Variants in ACTR3C observed in about 807,000 individuals in gnomAD.
ACTR3C encodes actin-related protein 3C.
In ACTR3C, 18 loss-of-function variants were observed where a neutral mutation model predicts 26.3. The observed-to-expected ratio is 0.68, with a 90% CI of 0.47 to 1.01. The LOEUF is 1.01. ACTR3C is among the 50% of genes least tolerant of loss of function. The probability of loss-of-function intolerance (pLI) is 0.00; values close to 1 mark genes in which losing one functional copy is unlikely to be tolerated. For synonymous variants in ACTR3C, 55 were observed against 94.5 expected, an observed-to-expected ratio of 0.58 and a Z score of 2.42; for missense variants, 184 against 250.7, an observed-to-expected ratio of 0.73 and a Z score of 1.80.
chr7:150,011,163 A>G, the ACTR3C span, among the ~76,000 whole-genome samples: 1 of 152,236 alleles, frequency 6.6e-6, no homozygotes, highest in African/African-American at 2.4e-5. Context: ...GACCTGTCTC[A>G]GGTCCATTGG....
intron 4 of ACTR3C, among the ~76,000 whole-genome samples, chr7:150,289,107 C>A (rs898641733): frequency 1.3e-5 from 2 of 151,872 alleles, no homozygotes; most frequent in African/African-American, 2.4e-5. Flanking sequence ...CTGTGGTCGC[C>A]TCCTGATTCT....
At chr7:149,926,609 T>C in the ACTR3C span, among the ~76,000 whole-genome samples, 1 of 152,134 alleles carries the variant, frequency 6.6e-6, no homozygotes, top group African/African-American at 2.4e-5. Flanking sequence ...AGGAATTAAC[T>C]GCATCCTGCA....
At chr7:150,158,865 C>A in the ACTR3C span, among the ~76,000 whole-genome samples, 2 of 81,740 alleles carry the variant, frequency 2.4e-5, no homozygotes, top group Non-Finnish European at 5.3e-5. Context: ...CAGGCATGCC[C>A]ACACACACAC....
chr7:150,172,963 C>T, the ACTR3C span, among the ~76,000 whole-genome samples: 1 of 149,128 alleles, frequency 6.7e-6, no homozygotes, highest in South Asian at 2.1e-4. Context: ...GGCAGCTCCA[C>T]TCCTGTCGCT....
the ACTR3C span, among the ~76,000 whole-genome samples, chr7:149,888,352 T>C: frequency 6.6e-6 from 1 of 152,244 alleles, no homozygotes; most frequent in African/African-American, 2.4e-5. Flanking sequence ...TTACAAGAGA[T>C]TGCCAAATTT....
At chr7:150,035,248 G>A in the ACTR3C span, among the ~76,000 whole-genome samples, 1 of 99,826 alleles carries the variant, frequency 1.0e-5, no homozygotes, top group African/African-American at 3.9e-5. Flanking sequence ...GAGCCAGTGG[G>A]GGAACCAGGG....
chr7:150,288,282 G>A (rs560324167), intron 4 of ACTR3C, among the ~76,000 whole-genome samples: 2 of 150,476 alleles, frequency 1.3e-5, no homozygotes, highest in South Asian at 4.3e-4. Flanking sequence ...AGAGTTGAAG[G>A]CCCAGCATGA....
At chr7:149,955,569 G>A in the ACTR3C span, among the ~76,000 whole-genome samples, 4 of 152,120 alleles carry the variant, frequency 2.6e-5, no homozygotes, top group Admixed American at 2.6e-4. Context: ...AGAGTCGTAA[G>A]GTGCATACGG....
chr7:150,295,036 G>T (rs946718913), intron 2 of ACTR3C, among the ~76,000 whole-genome samples: 9 of 152,098 alleles, frequency 5.9e-5, no homozygotes, highest in African/African-American at 2.2e-4. Context: ...TGTAAAAAGA[G>T]CCAGACGACG....
At chr7:150,013,424 G>A in the ACTR3C span, among the ~76,000 whole-genome samples, 1 of 152,218 alleles carries the variant, frequency 6.6e-6, no homozygotes, top group Non-Finnish European at 1.5e-5. Flanking sequence ...TAAGGCAGCT[G>A]TTCTCCCATT....
the ACTR3C span, among the ~76,000 whole-genome samples, chr7:150,087,243 A>C: frequency 6.6e-6 from 1 of 151,890 alleles, no homozygotes; most frequent in Non-Finnish European, 1.5e-5. Flanking sequence ...CACTGGACTA[A>C]AAGTTTTGTT....
the ACTR3C span, among the ~76,000 whole-genome samples, chr7:149,995,512 T>C: frequency 6.6e-6 from 1 of 152,270 alleles, no homozygotes; most frequent in East Asian, 1.9e-4. Context: ...GCAGGTCTGT[T>C]CTCTTCGAGG....
the ACTR3C span, among the ~76,000 whole-genome samples, chr7:150,202,002 C>T: frequency 2.6e-5 from 4 of 152,156 alleles, no homozygotes; most frequent in African/African-American, 7.2e-5. Context: ...CTTCATACAC[C>T]ATTTACTTTT....
At chr7:150,036,482 T>A in the ACTR3C span, among the ~76,000 whole-genome samples, 1 of 145,966 alleles carries the variant, frequency 6.9e-6, no homozygotes, top group Non-Finnish European at 1.6e-5. Context: ...GGGCTGGGGC[T>A]GCCAGAAGAT....
the ACTR3C span, among the ~76,000 whole-genome samples, chr7:150,149,537 C>T: frequency 5.9e-5 from 8 of 135,540 alleles, no homozygotes; most frequent in African/African-American, 1.9e-4. Context: ...ATGTTCCCCA[C>T]CCTGTGTCCA....
intron 3 of ACTR3C, among the ~76,000 whole-genome samples, chr7:150,291,390 T>C (rs578051459): frequency 5.9e-5 from 9 of 152,152 alleles, no homozygotes; most frequent in East Asian, 1.9e-4. Context: ...GATCGTGCCA[T>C]TGCACTCCAG....
chr7:150,196,618 T>C, the ACTR3C span, among the ~76,000 whole-genome samples: 1 of 152,206 alleles, frequency 6.6e-6, no homozygotes, highest in Non-Finnish European at 1.5e-5. Flanking sequence ...CTCATCCTTA[T>C]TTGTTGATAG....
the ACTR3C span, among the ~76,000 whole-genome samples, chr7:150,012,000 T>C: frequency 6.6e-6 from 1 of 152,046 alleles, no homozygotes; most frequent in Non-Finnish European, 1.5e-5. Context: ...TCAGTTCAGA[T>C]GAGGTAGATA....
At chr7:150,185,277 GT>G in the ACTR3C span, among the ~76,000 whole-genome samples, 5 of 3,100 alleles carry the variant, frequency 1.6e-3, no homozygotes, top group African/African-American at 6.9e-3. Context: ...AATGTCAGGC[GT>G]GTGTGTGTGT....
Sources: gnomAD v4.1 joint callset for allele counts (sites outside exome capture counted in the v4.1 genomes callset) on GRCh38, gnomAD v4.1.1 for gene constraint, MANE v1.5 for transcripts, NCBI Gene and HGNC (gene_info 2026-07-23, HGNC 2026-07-21) for gene names.